Variants in DSCAM observed in about 807,000 individuals in gnomAD.
DSCAM encodes DS cell adhesion molecule.
A neutral mutation model predicts 217.7 loss-of-function variants in DSCAM; 47 were observed. That is an observed-to-expected ratio of 0.22 (90% CI 0.17 to 0.28). DSCAM has a LOEUF of 0.28. DSCAM is among the 10% of genes least tolerant of loss of function. The probability of loss-of-function intolerance (pLI) is 1.00; values close to 1 mark genes in which losing one functional copy is unlikely to be tolerated. For synonymous variants in DSCAM, 1,056 were observed against 1,015.3 expected, an observed-to-expected ratio of 1.04 and a Z score of -0.76; for missense variants, 2,080 against 2,618.3, an observed-to-expected ratio of 0.79 and a Z score of 4.49.
intron 9 of DSCAM, among the ~76,000 whole-genome samples, chr21:40,307,515 G>A (rs1301855481): frequency 1.6e-4 from 24 of 152,298 alleles, no homozygotes; most frequent in African/African-American, 4.1e-4. Flanking sequence ...CATTGTGAAA[G>A]TCAGTGTGGC....
intron 3 of DSCAM, among the ~76,000 whole-genome samples, chr21:40,510,881 G>A (rs1356532933): frequency 6.6e-6 from 1 of 152,174 alleles, no homozygotes; most frequent in Non-Finnish European, 1.5e-5. Flanking sequence ...CAAGACTTCT[G>A]CCAGATGGGT....
intron 3 of DSCAM, among the ~76,000 whole-genome samples, chr21:40,569,912 A>G (rs1350176717): frequency 2.0e-5 from 3 of 151,782 alleles, no homozygotes; most frequent in East Asian, 3.9e-4. Context: ...CAAACAGCAG[A>G]AAAAAAAATT....
At chr21:40,831,065 G>A (rs1169026557) in intron 1 of DSCAM, among the ~76,000 whole-genome samples, 1 of 152,202 alleles carries the variant, frequency 6.6e-6, no homozygotes, top group Non-Finnish European at 1.5e-5. Flanking sequence ...CACGCAGTGT[G>A]TATCCTGCAG....
At chr21:40,132,880 T>C (rs1173963370) in intron 19 of DSCAM, among the ~76,000 whole-genome samples, 3 of 152,116 alleles carry the variant, frequency 2.0e-5, no homozygotes, top group Non-Finnish European at 4.4e-5. Context: ...GGAGATAGCA[T>C]AGACATCAAA....
At chr21:40,085,810 C>A in intron 22 of DSCAM, 45 bp from the exon 23 acceptor site, 1 of 1,407,116 alleles carries the variant, frequency 7.1e-7, no homozygotes, top group Non-Finnish European at 9.4e-7. Flanking sequence ...AAATTACAAT[C>A]CAAATTAGCT....
intron 3 of DSCAM, among the ~76,000 whole-genome samples, chr21:40,631,919 A>G (rs1280404588): frequency 6.6e-6 from 1 of 152,258 alleles, no homozygotes; most frequent in Admixed American, 6.5e-5. Flanking sequence ...ACCATGGGCA[A>G]GTTCTTCAGA....
At chr21:40,845,933 G>T (rs187041825) in intron 1 of DSCAM, among the ~76,000 whole-genome samples, 1 of 151,742 alleles carries the variant, frequency 6.6e-6, no homozygotes, top group African/African-American at 2.4e-5. Context: ...TATAATATTG[G>T]CTGGGCATGA....
At chr21:40,659,642 A>G (rs2090117443) in intron 3 of DSCAM, among the ~76,000 whole-genome samples, 1 of 151,896 alleles carries the variant, frequency 6.6e-6, no homozygotes, top group African/African-American at 2.4e-5. Context: ...TTATCTATCT[A>G]TCTATGTATA....
chr21:40,390,297 G>C (rs1160135580), intron 3 of DSCAM, among the ~76,000 whole-genome samples: 1 of 152,194 alleles, frequency 6.6e-6, no homozygotes, highest in African/African-American at 2.4e-5. Flanking sequence ...CTATCAGTCA[G>C]CTGTTAGACA....
chr21:40,056,296 T>A (rs1430718412), intron 28 of DSCAM, among the ~76,000 whole-genome samples: 1 of 152,204 alleles, frequency 6.6e-6, no homozygotes, highest in Non-Finnish European at 1.5e-5. Context: ...ACTAATGGAT[T>A]TGTATTTATA....
chr21:40,513,425 T>C (rs570695137), intron 3 of DSCAM: 56 of 152,378 alleles, frequency 3.7e-4, no homozygotes, highest in African/African-American at 1.3e-3. Context: ...AAAGAAAAGA[T>C]TGATTTGGCT....
chr21:40,472,545 G>A (rs1281358845), intron 3 of DSCAM, among the ~76,000 whole-genome samples: 1 of 152,144 alleles, frequency 6.6e-6, no homozygotes, highest in African/African-American at 2.4e-5. Flanking sequence ...AAAAATCATA[G>A]TAAAACTTCA....
chr21:40,548,634 G>GC (rs2076604284), intron 3 of DSCAM, among the ~76,000 whole-genome samples: 1 of 151,968 alleles, frequency 6.6e-6, no homozygotes, highest in Non-Finnish European at 1.5e-5. Flanking sequence ...TATTACAGCA[G>GC]TTTTTTTCTT....
chr21:40,069,586 C>T (rs778991329), intron 27 of DSCAM, among the ~76,000 whole-genome samples: 2 of 152,170 alleles, frequency 1.3e-5, no homozygotes, highest in Non-Finnish European at 2.9e-5. Context: ...GTTCTAGTTA[C>T]GTAAAATGGA....
intron 3 of DSCAM, among the ~76,000 whole-genome samples, chr21:40,503,487 G>GTATTA (rs1424414957): frequency 1.3e-5 from 2 of 152,176 alleles, no homozygotes; most frequent in Non-Finnish European, 2.9e-5. Context: ...CTTATAACAA[G>GTATTA]ACTAGCACAT....
intron 3 of DSCAM, among the ~76,000 whole-genome samples, chr21:40,434,890 C>T (rs1474519253): frequency 6.6e-6 from 1 of 152,146 alleles, no homozygotes; most frequent in East Asian, 1.9e-4. Context: ...TCCTCACAGC[C>T]TTGAGAGGTA....
At chr21:40,062,963 A>G in intron 27 of DSCAM, 64 bp from the exon 28 acceptor site, 1 of 1,443,106 alleles carries the variant, frequency 6.9e-7, no homozygotes, top group Non-Finnish European at 9.4e-7. Context: ...TTAGGCATTT[A>G]TGACAAATAC....
intron 11 of DSCAM, among the ~76,000 whole-genome samples, chr21:40,208,271 G>A (rs923569767): frequency 6.6e-6 from 1 of 152,118 alleles, no homozygotes; most frequent in African/African-American, 2.4e-5. Context: ...TGGCCAACAT[G>A]GTGAAACCTG....
intron 3 of DSCAM, among the ~76,000 whole-genome samples, chr21:40,510,156 A>G (rs547086840): frequency 4.5e-4 from 68 of 152,154 alleles, no homozygotes; most frequent in African/African-American, 1.5e-3. Flanking sequence ...TCCCCCCCCA[A>G]AGCACTCTAA....
Sources: gnomAD v4.1 joint callset for allele counts (sites outside exome capture counted in the v4.1 genomes callset) on GRCh38, gnomAD v4.1.1 for gene constraint, MANE v1.5 for transcripts, NCBI Gene and HGNC (gene_info 2026-07-23, HGNC 2026-07-21) for gene names.